Variants in CBFA2T3 observed in about 807,000 individuals in gnomAD.
CBFA2T3 encodes the protein CBFA2/RUNX1 partner transcriptional co-repressor 3, also known as transcriptional corepressor CBFA2T3.
In CBFA2T3, 31 loss-of-function variants were observed where a neutral mutation model predicts 58.6. The observed-to-expected ratio is 0.53, with a 90% CI of 0.40 to 0.71. The LOEUF (loss-of-function observed/expected upper bound fraction) is 0.71, where lower values mean the gene tolerates loss of function less well. CBFA2T3 is among the 30% of genes least tolerant of loss of function. CBFA2T3 has a pLI of 0.00. For synonymous variants in CBFA2T3, 531 were observed against 421.9 expected, an observed-to-expected ratio of 1.26 and a Z score of -3.17; for missense variants, 1,076 against 963.1, an observed-to-expected ratio of 1.12 and a Z score of -1.55.
intron 10 of CBFA2T3, 46 bp from the exon 11 acceptor site, chr16:88,879,506 G>C (rs1170413140): frequency 5.7e-6 from 9 of 1,572,640 alleles, no homozygotes; most frequent in Non-Finnish European, 7.8e-6. Context: ...GGCCATCCCA[G>C]ATGGGTCTCT....
chr16:88,906,956 T>C (rs889604617), intron 1 of CBFA2T3, among the ~76,000 whole-genome samples: 1 of 152,190 alleles, frequency 6.6e-6, no homozygotes, highest in African/African-American at 2.4e-5. Context: ...TGGCTCGTAC[T>C]GGAGGCTGGG....
chr16:88,943,980 G>C lies in CBFA2T3; in HGVS notation c.151+32677C>G, dbSNP rs562035166. The stretch of plus-strand genomic sequence containing the variant: ...CAGAGCCGTGGAGGAGGGAGCTCGA[G>C]GGTGTGCCCATGGAGCTCCCAGTGT... On this transcript the variant is annotated intron_variant, in intron 1 of 11. Coordinates refer to ENST00000268679, the MANE Select transcript of CBFA2T3 (RefSeq NM_005187.6). 1.7e-3 allele frequency among the ~76,000 whole-genome samples: 260 copies of C among 152,286 alleles called. 2 individuals are homozygous for C. The highest frequency in any genetic ancestry group is 5.6e-3 in the African/African-American group (233 of 41,548).
At chr16:88,883,907 G>C (rs1052313802) in intron 7 of CBFA2T3, 1 of 152,268 alleles carries the variant, frequency 6.6e-6, no homozygotes, top group Admixed American at 6.5e-5. Flanking sequence ...CCACGCTTCT[G>C]GGGCTGAGGT....
intron 5 of CBFA2T3, among the ~76,000 whole-genome samples, chr16:88,889,541 G>C (rs1192084930): frequency 6.6e-6 from 1 of 151,940 alleles, no homozygotes; most frequent in African/African-American, 2.4e-5. Context: ...GACAGACCTA[G>C]GTTTGAGCCC....
rs532617505 is a variant in CBFA2T3, at chr16:88,896,838, C to T, written c.379+1240G>A. On this transcript the variant is annotated intron_variant, in intron 3 of 11. Coordinates refer to ENST00000268679, the MANE Select transcript of CBFA2T3 (RefSeq NM_005187.6). ...CCTTAGGTGCGCTTACCAGCCTTGC[C>T]CCGGGTGCCTGGTCCTTCCGGCGGC... 7.9e-5 allele frequency among the ~76,000 whole-genome samples: 12 copies of T among 152,292 alleles called. 1 individual carries two copies. The East Asian group carries it at 2.3e-3, about 30-fold the overall frequency.
chr16:88,947,240 C>A (rs939254174), intron 1 of CBFA2T3, among the ~76,000 whole-genome samples: 2 of 152,226 alleles, frequency 1.3e-5, no homozygotes, highest in Non-Finnish European at 1.5e-5. Context: ...CCTGTAAACC[C>A]AGAACCACGC....
chr16:88,915,704 CGGGGGGAGCGTGGAG>C (rs1970692855), intron 1 of CBFA2T3, among the ~76,000 whole-genome samples: 1 of 31,374 alleles, frequency 3.2e-5, no homozygotes, highest in Non-Finnish European at 6.0e-5. Context: ...GGAGCGTGGA[CGGGGGGAGCGTGGAG>C]GGGGAGCGTG....
At chr16:88,945,723 A>G (rs1971884744) in intron 1 of CBFA2T3, among the ~76,000 whole-genome samples, 1 of 152,312 alleles carries the variant, frequency 6.6e-6, no homozygotes, top group South Asian at 2.1e-4. Context: ...GCCGACGGGA[A>G]TGCAAAATGG....
chr16:88,963,248 C>T (rs1244543575), intron 1 of CBFA2T3, among the ~76,000 whole-genome samples: 2 of 148,260 alleles, frequency 1.3e-5, no homozygotes, highest in African/African-American at 5.0e-5. Context: ...CAGGGGTGGG[C>T]GCTCATCTTC....
intron 8 of CBFA2T3, 113 bp downstream of exon 8, chr16:88,882,563 G>C: frequency 1.3e-6 from 1 of 760,810 alleles, no homozygotes; most frequent in South Asian, 1.6e-5. Context: ...GCTGTGTGTG[G>C]GCATGGCTGT....
chr16:88,960,943 C>T (rs1347186203), intron 1 of CBFA2T3, among the ~76,000 whole-genome samples: 4 of 152,162 alleles, frequency 2.6e-5, no homozygotes, highest in African/African-American at 9.7e-5. Context: ...TAGTGCATGT[C>T]CCAGGCAATA....
In CBFA2T3 at chr16:88,876,941, C is replaced by T. The variant is rs200477699; in HGVS notation, c.*35G>A. ...GGCCTGGAGCTGGGTGGGGTTGGCACGGTGCTGTGTCCGGCAGGCCAGGGG... is the reference window on the plus strand; with the variant it reads ...GGCCTGGAGCTGGGTGGGGTTGGCATGGTGCTGTGTCCGGCAGGCCAGGGG... On this transcript the variant is annotated 3_prime_UTR_variant, in exon 12 of 12. Transcript: ENST00000268679. 1,284 of 1,383,638 alleles carry T rather than the reference C, an allele frequency of 9.3e-4. 10 individuals are homozygous for T. The African/African-American group carries it at 0.017, about 18-fold the overall frequency. 85.7% of individuals were successfully genotyped at this position (1,383,638 alleles called of 1,614,324 possible). A position where few individuals can be genotyped will look rare whatever the true frequency, so the allele number is the denominator to read the frequency against.
chr16:88,905,718 CG>C (rs1254528173), intron 1 of CBFA2T3, among the ~76,000 whole-genome samples: 2 of 32,018 alleles, frequency 6.2e-5, no homozygotes, highest in African/African-American at 2.6e-4. Flanking sequence ...GCTGGAGGGG[CG>C]GGGCTGAAGG....
At chr16:88,969,191 G>A (rs750082787) in intron 1 of CBFA2T3, among the ~76,000 whole-genome samples, 1 of 152,224 alleles carries the variant, frequency 6.6e-6, no homozygotes, top group Non-Finnish European at 1.5e-5. Flanking sequence ...CAGCGGACAC[G>A]GCTGGAGGGA....
At chr16:88,911,713 C>T (rs1055335120) in intron 1 of CBFA2T3, among the ~76,000 whole-genome samples, 3 of 152,280 alleles carry the variant, frequency 2.0e-5, no homozygotes, top group Non-Finnish European at 2.9e-5. Flanking sequence ...CCTGGCCACC[C>T]AGCTGTCATG....
At chr16:88,956,003 C>T (rs987261888) in intron 1 of CBFA2T3, among the ~76,000 whole-genome samples, 2 of 152,160 alleles carry the variant, frequency 1.3e-5, no homozygotes, top group Non-Finnish European at 2.9e-5. Context: ...CCAGCCAAGG[C>T]TCCTGACCCC....
rs375042494 is a variant in CBFA2T3, at chr16:88,898,191, C to G, written c.305-39G>C. On this transcript the variant is annotated intron_variant, in intron 2 of 11. Transcript: ENST00000268679. The stretch of plus-strand genomic sequence containing the variant: ...AAGAAGAACACGCTGTCAGGAGGGG[C>G]GTGGGCAGGAGACTCTGCCCTCAGG... 5.9e-6 allele frequency: 9 copies of G among 1,516,214 alleles called. No individual in the cohort carries two copies. In the South Asian group the frequency reaches 7.8e-5, roughly 13 times the overall value. The allele number at this position is 1,516,214 out of a possible 1,614,324, so 93.9% of individuals were successfully genotyped here.
Position 88,885,310 on chromosome 16 carries a change from G to T in CBFA2T3, c.894-41C>A. ...GGTGGGGCGAGGGCAGTGGACATAGGATGAACCGGGGACAGAGGTGCAGGT... is the reference window on the plus strand; with the variant it reads ...GGTGGGGCGAGGGCAGTGGACATAGTATGAACCGGGGACAGAGGTGCAGGT... On this transcript the variant is annotated intron_variant, in intron 6 of 11. Coordinates refer to ENST00000268679, the MANE Select transcript of CBFA2T3 (RefSeq NM_005187.6). This position sits in a 1 kb window ranked among gnomAD's most constrained non-coding sequence, Gnocchi z 5.3. The T allele has an allele frequency of 7.1e-7, 1 of 1,410,430 alleles. No homozygotes were observed. 87.4% of individuals were successfully genotyped at this position (1,410,430 alleles called of 1,614,324 possible). A position where few individuals can be genotyped will look rare whatever the true frequency, so the allele number is the denominator to read the frequency against.
rs57137196 is a variant in CBFA2T3 at position 88,950,544 on chromosome 16, T to C, written c.151+26113A>G. On this transcript the variant is annotated intron_variant, in intron 1 of 11. Coordinates refer to ENST00000268679, the MANE Select transcript of CBFA2T3 (RefSeq NM_005187.6). ...CTTCCGGGTCAGTTCACCCGTCCCC[T>C]GGACCGGCACCGCCACAGAGGGTCA... The C allele has an allele frequency of 3.3e-5, 14 of 426,240 alleles. 1 individual carries two copies. The highest frequency in any genetic ancestry group is 1.8e-4 in the South Asian group (11 of 62,524). The allele number at this position is 426,240 out of a possible 1,614,324, so 26.4% of individuals were successfully genotyped here. A position where few individuals can be genotyped will look rare whatever the true frequency, so the allele number is the denominator to read the frequency against.
Sources: gnomAD v4.1 joint callset for allele counts (sites outside exome capture counted in the v4.1 genomes callset) on GRCh38, gnomAD v4.1.1 for gene constraint, Gnocchi (gnomAD v3.1) non-coding constraint, MANE v1.5 for transcripts, NCBI Gene and HGNC (gene_info 2026-07-23, HGNC 2026-07-21) for gene names.